Variants in KAZN observed in about 807,000 individuals in gnomAD.
The protein encoded by KAZN is kazrin, periplakin interacting protein, also known as kazrin.
KAZN carries 40 observed loss-of-function variants against 87.4 expected under a neutral mutation model. The ratio of observed to expected loss-of-function variants is 0.46; its 90% CI spans 0.36 to 0.60. The LOEUF is 0.60. Among genes scored for constraint, KAZN ranks in the 20% least tolerant of loss-of-function variants. KAZN has a pLI of 0.00. For missense variants in KAZN, 898 were observed against 1,073.9 expected, an observed-to-expected ratio of 0.84 and a Z score of 2.29; for synonymous variants, 466 against 458.3, an observed-to-expected ratio of 1.02 and a Z score of -0.22.
chr1:14,566,547 A>G (rs1215522184), intron 2 of KAZN, among the ~76,000 whole-genome samples: 1 of 152,244 alleles, frequency 6.6e-6, no homozygotes, highest in East Asian at 1.9e-4. Context: ...AAATCCAGGC[A>G]TTAATTTCTC....
At chr1:14,707,594 C>G (rs1023426384) in intron 1 of KAZN, among the ~76,000 whole-genome samples, 2 of 152,164 alleles carry the variant, frequency 1.3e-5, no homozygotes, top group African/African-American at 4.8e-5. Flanking sequence ...CCCTGTAATG[C>G]TACAGAGGAG....
chr1:13,929,542 G>A (rs1357811973), intron 1 of KAZN, among the ~76,000 whole-genome samples: 1 of 152,130 alleles, frequency 6.6e-6, no homozygotes, highest in Non-Finnish European at 1.5e-5. Context: ...TGTCAGCCTG[G>A]GGCTTTGGTG....
chr1:14,737,447 A>G (rs1189544187), intron 1 of KAZN, among the ~76,000 whole-genome samples: 2 of 152,254 alleles, frequency 1.3e-5, no homozygotes, highest in Non-Finnish European at 2.9e-5. Flanking sequence ...AAGCAGGCAC[A>G]GAAACCACAA....
At chr1:14,034,201 G>T (rs551273875) in intron 1 of KAZN, among the ~76,000 whole-genome samples, 2 of 152,214 alleles carry the variant, frequency 1.3e-5, no homozygotes, top group South Asian at 4.1e-4. Context: ...TCTAGACCTG[G>T]ATCCATACCA....
intron 2 of KAZN, among the ~76,000 whole-genome samples, chr1:14,376,249 A>G (rs193013343): frequency 1.3e-5 from 2 of 152,340 alleles, no homozygotes; most frequent in Non-Finnish European, 2.9e-5. Context: ...CAGTACTTTC[A>G]TCAGTGATAT....
At chr1:14,258,277 G>A (rs1212726068) in intron 2 of KAZN, among the ~76,000 whole-genome samples, 8 of 147,334 alleles carry the variant, frequency 5.4e-5, no homozygotes, top group Non-Finnish European at 1.2e-4. Flanking sequence ...GTGCAGTGGT[G>A]CAATCTTGGC....
At position 14,117,542 on chromosome 1, in the gene KAZN, A is replaced by G. The variant is rs569958752; in HGVS notation, c.92-62893A>G. 2.1e-3 allele frequency among the ~76,000 whole-genome samples: 318 copies of G among 152,034 alleles called. 1 individual carries two copies. Among genetic ancestry groups the G allele is most frequent in the African/African-American group, 7.5e-3 (309 of 41,454 alleles). On this transcript the variant is annotated intron_variant, in intron 1 of 16. Coordinates refer to the KAZN transcript ENST00000636203. ...ATCAGCAGCATGAAAGTGGACTAAT[A>G]CACCTCCCAAAGGCCCCACCTCCAA...
chr1:14,851,749 A>G (rs1359395253), intron 1 of KAZN, among the ~76,000 whole-genome samples: 3 of 152,354 alleles, frequency 2.0e-5, no homozygotes, highest in African/African-American at 7.2e-5. Flanking sequence ...CCTGTGCAGC[A>G]GGCAGAACAG....
intron 2 of KAZN, among the ~76,000 whole-genome samples, chr1:14,493,757 C>A (rs1669801937): frequency 6.6e-6 from 1 of 152,178 alleles, no homozygotes; most frequent in Non-Finnish European, 1.5e-5. Flanking sequence ...TCTTGTTCTG[C>A]ATTCTGGGAG....
intron 2 of KAZN, among the ~76,000 whole-genome samples, chr1:14,418,597 A>G (rs1665038873): frequency 6.6e-6 from 1 of 152,242 alleles, no homozygotes; most frequent in Non-Finnish European, 1.5e-5. Flanking sequence ...GTTTGCCTCT[A>G]GATAGCAAGG....
intron 2 of KAZN, among the ~76,000 whole-genome samples, chr1:14,538,724 A>G (rs1672642027): frequency 6.6e-6 from 1 of 152,252 alleles, no homozygotes; most frequent in Admixed American, 6.5e-5. Context: ...AAATGATTTT[A>G]TAAGGCTACA....
At chr1:14,717,444 TC>T (rs1642852786) in intron 1 of KAZN, among the ~76,000 whole-genome samples, 1 of 152,036 alleles carries the variant, frequency 6.6e-6, no homozygotes, top group African/African-American at 2.4e-5. Flanking sequence ...TCCTTCCTTT[TC>T]CCAGCTTGCG....
chr1:14,272,593 T>C (rs1306763517), intron 2 of KAZN, among the ~76,000 whole-genome samples: 1 of 152,200 alleles, frequency 6.6e-6, no homozygotes, highest in Non-Finnish European at 1.5e-5. Context: ...GCACAGTGGC[T>C]CACACCTGTA....
intron 1 of KAZN, among the ~76,000 whole-genome samples, chr1:14,899,279 C>T (rs1655595428): frequency 6.6e-6 from 1 of 152,228 alleles, no homozygotes; most frequent in African/African-American, 2.4e-5. Context: ...GGCATGGCCA[C>T]ACCCAGTGAC....
intron 1 of KAZN, among the ~76,000 whole-genome samples, chr1:14,002,501 T>C (rs1268856499): frequency 8.5e-5 from 13 of 152,232 alleles, no homozygotes; most frequent in Non-Finnish European, 1.8e-4. Flanking sequence ...CCTTTTGCCT[T>C]CTGCCATGAT....
intron 1 of KAZN, among the ~76,000 whole-genome samples, chr1:14,642,716 G>A (rs1680499882): frequency 2.0e-5 from 3 of 152,078 alleles, no homozygotes; most frequent in African/African-American, 4.8e-5. Context: ...ACAAAGAAAC[G>A]ATAAATATTT....
In KAZN at chr1:15,099,185, G is replaced by A. The variant is rs1421348866; in HGVS notation, c.1548-2358G>A. ...CCCAAGTGGTTCTGGGAGGCTGATG[G>A]GCAGAGGGAAGGAGAGTGAAGCCAA... is the stretch of plus-strand genomic sequence containing the variant. On this transcript the variant is annotated intron_variant, in intron 10 of 14. Transcript: ENST00000376030. The surrounding 1 kb of genome is among the most constrained non-coding windows in gnomAD (Gnocchi z 5.4). Among the ~76,000 whole-genome samples, 2 of 152,184 alleles carry A rather than the reference G, an allele frequency of 1.3e-5. No homozygotes were observed. Among genetic ancestry groups the A allele is most frequent in the African/African-American group, 4.8e-5 (2 of 41,432 alleles).
Position 15,101,550 on chromosome 1 carries a change from A to T in KAZN, c.1555A>T (p.Lys519Ter). Residue 519 changes from lysine (K) to a stop codon, truncating the protein, a stop_gained, in exon 11 of 15, where the codon AAA (lysine) becomes TAA (stop). Transcript: ENST00000376030. LOFTEE classifies it high-confidence loss of function. ...RDAEAGRSLS[K>*]AAELDHHWVA... ...GCTATGTCTCCTCCCCAGCCTGTCC[A>T]AAGCTGCCGAGCTGGACCATCACTG... 6.4e-7 allele frequency: 1 copy of T among 1,551,716 alleles called. No homozygotes were observed. Among genetic ancestry groups the T allele is most frequent in the Non-Finnish European group, 8.7e-7 (1 of 1,146,946 alleles).
At chr1:14,115,232 T>A (rs777955185) in intron 1 of KAZN, among the ~76,000 whole-genome samples, 2 of 152,214 alleles carry the variant, frequency 1.3e-5, no homozygotes, top group Non-Finnish European at 2.9e-5. Context: ...ACAATGTCTC[T>A]CACTTCTTAT....
Sources: allele counts gnomAD v4.1 joint callset (sites outside exome capture counted in the v4.1 genomes callset), GRCh38; gene constraint gnomAD v4.1.1; non-coding constraint Gnocchi (gnomAD v3.1); transcripts MANE v1.5; gene names NCBI Gene and HGNC (gene_info 2026-07-23, HGNC 2026-07-21).